IARS2: variants seen among roughly 807,000 people sequenced by gnomAD.
IARS2 encodes the protein isoleucine--tRNA ligase, mitochondrial.
A neutral mutation model predicts 126.3 loss-of-function variants in IARS2; 56 were observed. The ratio of observed to expected loss-of-function variants is 0.44; its 90% CI spans 0.36 to 0.55. IARS2 has a LOEUF of 0.55. Ranked by LOEUF, IARS2 falls within the 20% of genes least tolerant of loss-of-function variation. IARS2 has a pLI of 0.00. For missense variants in IARS2, 1,127 were observed against 1,245.9 expected, an observed-to-expected ratio of 0.90 and a Z score of 1.44; for synonymous variants, 407 against 441.1, an observed-to-expected ratio of 0.92 and a Z score of 0.97.
intron 12 of IARS2, among the ~76,000 whole-genome samples, chr1:220,116,822 C>G (rs1656922087): frequency 6.6e-6 from 1 of 152,128 alleles, no homozygotes; most frequent in Admixed American, 6.6e-5. Context: ...TCTTGGCTCA[C>G]TACAACCTCC....
chr1:220,117,383 A>G (rs1422111659), intron 12 of IARS2, among the ~76,000 whole-genome samples: 1 of 151,608 alleles, frequency 6.6e-6, no homozygotes, highest in Non-Finnish European at 1.5e-5. Context: ...ATTTTTTAGT[A>G]GAGACGGGGT....
chr1:220,145,672 TAA>T lies in IARS2; in HGVS notation c.2896+20_2896+21del, dbSNP rs780099707. 2 of 1,597,062 alleles carry T rather than the reference TAA, an allele frequency of 1.3e-6. No individual in the cohort carries two copies. The highest frequency in any genetic ancestry group is 1.7e-6 in the Non-Finnish European group (2 of 1,168,902). ...TTAGAAGGTAAGAAGGAGATGAAAG[TAA>T]CAAGTAACATCTGGAGAATTGAATA... On this transcript the variant is annotated intron_variant, in intron 22 of 22. Coordinates refer to ENST00000366922, the MANE Select transcript of IARS2 (RefSeq NM_018060.4).
Position 220,094,156 on chromosome 1 carries a change from G to T in IARS2, c.-61G>T. ...TACTCGGCTCCCCTTGGTTTCCTGG[G>T]GTCCTGCCCCTTCAAGCTGGGGCGG... is the stretch of plus-strand genomic sequence containing the variant. On this transcript the variant is annotated 5_prime_UTR_variant, in exon 1 of 23. Coordinates refer to ENST00000366922, the MANE Select transcript of IARS2 (RefSeq NM_018060.4). The T allele has an allele frequency of 6.9e-7, 1 of 1,457,430 alleles. No homozygotes were observed. The highest frequency in any genetic ancestry group is 1.4e-5 in the South Asian group (1 of 70,324). 90.3% of individuals were successfully genotyped at this position (1,457,430 alleles called of 1,614,324 possible).
intron 2 of IARS2, among the ~76,000 whole-genome samples, chr1:220,098,209 C>T (rs956521918): frequency 6.6e-6 from 1 of 152,184 alleles, no homozygotes; most frequent in Admixed American, 6.5e-5. Context: ...TCTTACAAAA[C>T]TATCTCTCAC....
chr1:220,106,989 T>C (rs1284374992), intron 9 of IARS2, 72 bp from the exon 10 acceptor site: 5 of 1,007,264 alleles, frequency 5.0e-6, no homozygotes, highest in Non-Finnish European at 7.9e-6. Flanking sequence ...TTTTTATATA[T>C]ATTGTTTTGC....
At chr1:220,140,110 A>T in intron 18 of IARS2, 73 bp from the exon 19 acceptor site, 1 of 821,158 alleles carries the variant, frequency 1.2e-6, no homozygotes, top group South Asian at 1.4e-5. Context: ...AAAGGAGCAT[A>T]TTTTGCTTGT....
chr1:220,120,971 T>C (rs903644234), intron 12 of IARS2, among the ~76,000 whole-genome samples: 11 of 152,188 alleles, frequency 7.2e-5, no homozygotes, highest in African/African-American at 2.7e-4. Context: ...GAAGTCTTGC[T>C]CTCTAAATAT....
chr1:220,145,517 G>A lies in IARS2; in HGVS notation c.2760G>A (p.Gln920=). 3.1e-6 allele frequency: 5 copies of A among 1,611,074 alleles called. No individual in the cohort carries two copies. The highest frequency in any genetic ancestry group is 4.2e-6 in the Non-Finnish European group (5 of 1,178,288). Residue 920 remains glutamine (Q), a synonymous_variant, in exon 22 of 23, where the codon CAG becomes CAA. Coordinates refer to ENST00000366922, the MANE Select transcript of IARS2 (RefSeq NM_018060.4). Reference sequence around the variant, plus strand: ...CACATGCTTCCTTCCAGATGCTGCAGTCTGAAGAGACTTCCAGCACCTCTC... The same window carrying A: ...CACATGCTTCCTTCCAGATGCTGCAATCTGAAGAGACTTCCAGCACCTCTC... ...GLLFEIIEML[Q]SEETSSTSQL...
At chr1:220,125,768 A>G (rs568491872) in intron 13 of IARS2, among the ~76,000 whole-genome samples, 2 of 151,964 alleles carry the variant, frequency 1.3e-5, no homozygotes, top group Admixed American at 6.6e-5. Flanking sequence ...GCACCACTAC[A>G]CTGCAGCCTG....
rs201910429 is a variant in IARS2 at position 220,142,962 on chromosome 1, G to T, written c.2579G>T (p.Arg860Leu). ...PYIKEPKSVF[R>L]TGWISTSSIW... ...TCTGAAGAGCCCAAGAGTGTTTTCC[G>T]TACTGGGTGGATTAGTACTAGTTCT... Residue 860 changes from arginine to leucine, a missense_variant, in exon 21 of 23, where the codon CGT becomes CTT. Transcript: ENST00000366922. The T allele has an allele frequency of 6.2e-7, 1 of 1,611,934 alleles. No homozygotes were observed. The highest frequency in any genetic ancestry group is 8.5e-7 in the Non-Finnish European group (1 of 1,178,590).
intron 14 of IARS2, among the ~76,000 whole-genome samples, chr1:220,127,261 T>G (rs1657172642): frequency 1.3e-5 from 2 of 152,216 alleles, no homozygotes; most frequent in South Asian, 4.1e-4. Flanking sequence ...CTTAGTAGTG[T>G]CAAACTAGAA....
Position 220,143,067 on chromosome 1 carries a change from G to C in IARS2, c.2684G>C (p.Gly895Ala). ...GACTCATTTCTTGGAAGCATCCCTG[G>C]CAAAAATGCAGCTGAGTACAAGGTT... The part of the protein sequence containing the change: ...MRDSFLGSIP[G>A]KNAAEYKVIT... The change falls in exon 21 of 23, where the codon GGC (glycine) becomes GCC (alanine). Residue 895 changes from glycine to alanine, a missense_variant. Physicochemically the swap from Gly to Ala is moderately conservative, Grantham distance 60. Coordinates refer to ENST00000366922, the MANE Select transcript of IARS2 (RefSeq NM_018060.4). 6.2e-7 allele frequency: 1 copy of C among 1,614,148 alleles called. No individual in the cohort carries two copies.
intron 12 of IARS2, among the ~76,000 whole-genome samples, chr1:220,116,066 T>A (rs550779346): frequency 6.6e-6 from 1 of 152,142 alleles, no homozygotes; most frequent in Admixed American, 6.5e-5. Context: ...AAAAATTAGC[T>A]GGTGTGGTAG....
At chr1:220,134,051 C>T (rs1657319616) in intron 14 of IARS2, among the ~76,000 whole-genome samples, 1 of 151,974 alleles carries the variant, frequency 6.6e-6, no homozygotes, top group South Asian at 2.1e-4. Context: ...CATGACATTG[C>T]TTGACATTCA....
In IARS2 at chr1:220,134,511, G is replaced by A; in HGVS notation, c.1946+1G>A. On this transcript the variant is annotated splice_donor_variant, in intron 15 of 22. Transcript: ENST00000366922. LOFTEE classifies it high-confidence loss of function. ...CAGCAAGGAAGAGAGCACCTTATAAGTAAGTATTTATGCCTGAACCAACCT... is the reference window on the plus strand; with the variant it reads ...CAGCAAGGAAGAGAGCACCTTATAAATAAGTATTTATGCCTGAACCAACCT... 1 of 1,603,952 alleles carries A rather than the reference G, an allele frequency of 6.2e-7. No homozygotes were observed. Among genetic ancestry groups the A allele is most frequent in the Non-Finnish European group, 8.5e-7 (1 of 1,173,314 alleles).
intron 16 of IARS2, 30 bp from the exon 17 acceptor site, chr1:220,137,888 G>A: frequency 1.2e-6 from 2 of 1,612,790 alleles, no homozygotes; most frequent in Non-Finnish European, 1.7e-6. Flanking sequence ...GAAAGCCATT[G>A]TGTTTATATA....
At chr1:220,137,029 T>TAA (rs1439507736) in intron 16 of IARS2, 118 bp downstream of exon 16, 11 of 583,676 alleles carry the variant, frequency 1.9e-5, no homozygotes, top group Non-Finnish European at 3.0e-5. Flanking sequence ...TACTCTCAAA[T>TAA]AACACATGAT....
chr1:220,139,952 C>T (rs1373498644), intron 18 of IARS2, among the ~76,000 whole-genome samples: 2 of 152,088 alleles, frequency 1.3e-5, no homozygotes, highest in Non-Finnish European at 2.9e-5. Context: ...TCATTCTTTC[C>T]TTAATTAATG....
At chr1:220,107,700 C>A (rs1277892154) in intron 10 of IARS2, among the ~76,000 whole-genome samples, 1 of 152,184 alleles carries the variant, frequency 6.6e-6, no homozygotes, top group Admixed American at 6.5e-5. Context: ...TTTGAAACAA[C>A]AGAAATTTAT....
Sources: gnomAD v4.1 joint callset for allele counts (sites outside exome capture counted in the v4.1 genomes callset) on GRCh38, gnomAD v4.1.1 for gene constraint, MANE v1.5 for transcripts, NCBI Gene and HGNC (gene_info 2026-07-23, HGNC 2026-07-21) for gene names.